DGCR8: variants seen among roughly 807,000 people sequenced by gnomAD.
DGCR8 encodes the protein DGCR8 microprocessor complex subunit.
DGCR8 carries 14 observed loss-of-function variants against 78.5 expected under a neutral mutation model. That is an observed-to-expected ratio of 0.18 (90% CI 0.12 to 0.28). The LOEUF is 0.28. Among genes scored for constraint, DGCR8 ranks in the 10% least tolerant of loss-of-function variants. DGCR8 has a pLI of 1.00. For missense variants in DGCR8, 702 were observed against 1,022.5 expected, an observed-to-expected ratio of 0.69 and a Z score of 4.28; for synonymous variants, 399 against 402.4, an observed-to-expected ratio of 0.99 and a Z score of 0.10.
At chr22:20,081,786 A>G (rs2049420987) in intron 1 of DGCR8, among the ~76,000 whole-genome samples, 1 of 152,036 alleles carries the variant, frequency 6.6e-6, no homozygotes, top group Non-Finnish European at 1.5e-5. Context: ...TCCAAACCAA[A>G]CTCAAATCTT....
At chr22:20,083,255 C>A (rs2049437951) in intron 1 of DGCR8, among the ~76,000 whole-genome samples, 1 of 151,970 alleles carries the variant, frequency 6.6e-6, no homozygotes, top group South Asian at 2.1e-4. Flanking sequence ...TACTTCTTGG[C>A]ATGTGACAGG....
intron 1 of DGCR8, among the ~76,000 whole-genome samples, chr22:20,082,175 G>A (rs369219625): frequency 1.3e-5 from 2 of 151,488 alleles, no homozygotes; most frequent in East Asian, 1.9e-4. Flanking sequence ...TCCTGCCTCA[G>A]CCTCCCAAGT....
chr22:20,080,809 TGGGATAC>T (rs1056110003), intron 1 of DGCR8: 1 of 152,306 alleles, frequency 6.6e-6, no homozygotes. Context: ...CGTAGATAAT[TGGGATAC>T]GGTTTTATTG....
chr22:20,107,864 C>T, intron 12 of DGCR8: 1 of 172,994 alleles, frequency 5.8e-6, no homozygotes, highest in Non-Finnish European at 1.3e-5. Context: ...GCTGTTGTGG[C>T]CAACATCCTG....
In DGCR8 at chr22:20,106,966, C is replaced by T. The variant is rs990724218; in HGVS notation, c.1996+268C>T. On this transcript the variant is annotated intron_variant, in intron 11 of 13. Transcript: ENST00000351989. ...AGGAAAGGCCCTCCTCCTCGAACAG[C>T]CAGCAGAATCCTGCTGCTCCCTGTT... 20 of 574,456 alleles carry T rather than the reference C, an allele frequency of 3.5e-5. No homozygotes were observed. In the Admixed American group the frequency reaches 5.8e-4, roughly 17 times the overall value. 35.6% of individuals were successfully genotyped at this position (574,456 alleles called of 1,614,324 possible). A position where few individuals can be genotyped will look rare whatever the true frequency, so the allele number is the denominator to read the frequency against.
At chr22:20,109,058 T>A (rs1458755729) in intron 13 of DGCR8, 55 bp downstream of exon 13, 12 of 929,054 alleles carry the variant, frequency 1.3e-5, no homozygotes, top group Non-Finnish European at 2.1e-5. Flanking sequence ...CTGTGGCACC[T>A]GTGGAGGGAC....
intron 9 of DGCR8, among the ~76,000 whole-genome samples, chr22:20,099,694 G>T (rs147333463): frequency 5.5e-4 from 84 of 152,334 alleles, no homozygotes; most frequent in African/African-American, 2.0e-3. Context: ...TAGTGTTCTT[G>T]TTGCTTTAAT....
rs2049526119 is a variant in DGCR8 at position 20,089,357 on chromosome 22, G to C, written c.881-312G>C. Among the ~76,000 whole-genome samples the C allele has an allele frequency of 6.6e-6, 1 of 152,244 alleles. No individual in the cohort carries two copies. Among genetic ancestry groups the C allele is most frequent in the East Asian group, 1.9e-4 (1 of 5,188 alleles). On this transcript the variant is annotated intron_variant, in intron 3 of 13. Coordinates refer to ENST00000351989, the MANE Select transcript of DGCR8 (RefSeq NM_022720.7). This position sits in a 1 kb window ranked among gnomAD's most constrained non-coding sequence, Gnocchi z 4.9. ...TGGCCACAACCAGACAGGCAGCAAA[G>C]GAGTCCAGTGTCCACAGTGCTTACC...
Position 20,086,026 on chromosome 22 carries a change from G to A in DGCR8, c.63G>A (p.Glu21=), listed in dbSNP as rs1417799463. ...GGCCCGCAGGAGAAGCGGTGATGGA[G>A]AGCCGAGCTCGCCCCTTCCAAGCGC... ...PCGPAGEAVM[E]SRARPFQALP... is the part of the protein sequence containing the mutation. Residue 21 remains glutamate, a synonymous_variant, in exon 2 of 14, where the codon GAG becomes GAA. Transcript: ENST00000351989. This position sits in a 1 kb window ranked among gnomAD's most constrained non-coding sequence, Gnocchi z 6.4. The A allele has an allele frequency of 1.9e-6, 3 of 1,613,310 alleles. No individual in the cohort carries two copies. The highest frequency in any genetic ancestry group is 2.5e-6 in the Non-Finnish European group (3 of 1,179,772).
At chr22:20,081,279 G>A (rs975945212) in intron 1 of DGCR8, among the ~76,000 whole-genome samples, 51 of 152,370 alleles carry the variant, frequency 3.3e-4, no homozygotes, top group African/African-American at 1.1e-3. Context: ...GTGCTGGCCC[G>A]TCACAGCCAG....
Position 20,092,967 on chromosome 22 carries a change from T to C in DGCR8, c.1705+60T>C, listed in dbSNP as rs1318369579. On this transcript the variant is annotated intron_variant, in intron 8 of 13. Coordinates refer to ENST00000351989, the MANE Select transcript of DGCR8 (RefSeq NM_022720.7). Reference sequence around the variant, plus strand: ...TGCCTGCTGTGTCTGCCTCGCTGCTTGGTTAGGGAGGGGCTGAGCAGTGGT... The same window carrying C: ...TGCCTGCTGTGTCTGCCTCGCTGCTCGGTTAGGGAGGGGCTGAGCAGTGGT... 12 of 1,413,370 alleles carry C rather than the reference T, an allele frequency of 8.5e-6. No individual in the cohort carries two copies. In the Admixed American group the frequency reaches 1.9e-4, roughly 22 times the overall value. The allele number at this position is 1,413,370 out of a possible 1,614,324, so 87.6% of individuals were successfully genotyped here.
At chr22:20,099,664 T>G (rs2049671738) in intron 9 of DGCR8, among the ~76,000 whole-genome samples, 1 of 152,242 alleles carries the variant, frequency 6.6e-6, no homozygotes, top group African/African-American at 2.4e-5. Flanking sequence ...TCTGAAAGAA[T>G]TAATTCTGAC....
intron 7 of DGCR8, among the ~76,000 whole-genome samples, chr22:20,092,513 T>G (rs1173059294): frequency 1.3e-5 from 2 of 152,174 alleles, no homozygotes; most frequent in Admixed American, 6.5e-5. Context: ...TGTCCGTCTT[T>G]CGTAGACCTT....
At position 20,100,947 on chromosome 22, in the gene DGCR8, C is replaced by T. The variant is rs12170420; in HGVS notation, c.1789-5230C>T. On this transcript the variant is annotated intron_variant, in intron 9 of 13. Transcript: ENST00000351989. ...CCTGCCACCCGGCACAGGACCCCTCCTCGTGCTTGGAAATTTGCTAGGACT... is the reference window on the plus strand; with the variant it reads ...CCTGCCACCCGGCACAGGACCCCTCTTCGTGCTTGGAAATTTGCTAGGACT... 6.4e-3 allele frequency: 3,774 copies of T among 591,740 alleles called. 133 individuals are homozygous for T. The African/African-American group carries it at 0.07, about 11-fold the overall frequency. 36.7% of individuals were successfully genotyped at this position (591,740 alleles called of 1,614,324 possible). A position where few individuals can be genotyped will look rare whatever the true frequency, so the allele number is the denominator to read the frequency against.
intron 9 of DGCR8, among the ~76,000 whole-genome samples, chr22:20,104,244 A>G (rs1044737985): frequency 9.3e-5 from 14 of 150,346 alleles, no homozygotes; most frequent in East Asian, 7.9e-4. Context: ...GGCTCACTGC[A>G]AGCTCTGCTT....
Position 20,085,865 on chromosome 22 carries a change from G to T in DGCR8, c.-99G>T. The stretch of plus-strand genomic sequence containing the variant: ...CCGCCAGCGCACAGCGCGGCAGGAC[G>T]CGCCCGGGTCTCAGCGGACTTGTGC... On this transcript the variant is annotated 5_prime_UTR_variant, in exon 2 of 14. Coordinates refer to ENST00000351989, the MANE Select transcript of DGCR8 (RefSeq NM_022720.7). This position sits in a 1 kb window ranked among gnomAD's most constrained non-coding sequence, Gnocchi z 6.2. 6.7e-7 allele frequency: 1 copy of T among 1,498,874 alleles called. No individual in the cohort carries two copies. 92.8% of individuals were successfully genotyped at this position (1,498,874 alleles called of 1,614,324 possible).
In DGCR8 at chr22:20,089,669, G is replaced by T; in HGVS notation, c.881G>T (p.Ser294Ile). ...MMTKIKTVLK[S>I]RGRPPTEPLP... ...AGGATGTTCTTGTCTTCCTGTGCAG[G>T]TCGTGGCCGCCCACCTACAGAGCCG... Residue 294 changes from serine (S) to isoleucine (I), a missense_variant and splice_region_variant, in exon 4 of 14, where the codon AGT (serine) becomes ATT (isoleucine). Around this residue, in one of 4 missense-constraint regions of DGCR8, gnomAD observed 356 missense variants for 448.9 expected, o/e 0.79. Coordinates refer to ENST00000351989, the MANE Select transcript of DGCR8 (RefSeq NM_022720.7). The surrounding 1 kb of genome is among the most constrained non-coding windows in gnomAD (Gnocchi z 4.9). 6.2e-7 allele frequency: 1 copy of T among 1,613,978 alleles called. No individual in the cohort carries two copies. Among genetic ancestry groups the T allele is most frequent in the South Asian group, 1.1e-5 (1 of 91,082 alleles).
intron 8 of DGCR8, 72 bp from the exon 9 acceptor site, chr22:20,094,641 A>G: frequency 1.2e-5 from 17 of 1,395,132 alleles, no homozygotes; most frequent in South Asian, 8.2e-5. Flanking sequence ...GCAGCAGTGC[A>G]CAGTTCACTC....
intron 9 of DGCR8, among the ~76,000 whole-genome samples, chr22:20,099,737 G>T (rs554492011): frequency 6.6e-6 from 1 of 152,174 alleles, no homozygotes; most frequent in African/African-American, 2.4e-5. Context: ...TCCTTATTCG[G>T]CCATTCCAGA....
Sources: allele counts gnomAD v4.1 joint callset (sites outside exome capture counted in the v4.1 genomes callset), GRCh38; gene constraint gnomAD v4.1.1; regional missense constraint gnomAD v4.1.1; non-coding constraint Gnocchi (gnomAD v3.1); transcripts MANE v1.5; gene names NCBI Gene and HGNC (gene_info 2026-07-23, HGNC 2026-07-21).